Variants in NPSR1 observed in about 807,000 individuals in gnomAD.
NPSR1 encodes the protein neuropeptide S receptor 1.
NPSR1 carries 48 observed loss-of-function variants against 46.9 expected under a neutral mutation model. The observed-to-expected ratio is 1.02, with a 90% CI of 0.81 to 1.30. NPSR1 has a LOEUF of 1.30. NPSR1 is among the 50% of genes most tolerant of loss of function. The probability of loss-of-function intolerance (pLI) is 0.00; values close to 1 mark genes in which losing one functional copy is unlikely to be tolerated. For synonymous variants in NPSR1, 176 were observed against 168.1 expected (o/e 1.05, Z -0.36); for missense variants, 450 against 449.5 (o/e 1.00, Z -0.01).
chr7:34,870,086 T>C (rs1417276363), intron 8 of NPSR1, among the ~76,000 whole-genome samples: 2 of 151,874 alleles, frequency 1.3e-5, no homozygotes, highest in African/African-American at 4.9e-5. Context: ...ATCTGCCTGA[T>C]GAATACCTAC....
At chr7:34,659,487 C>T (rs1307936576) in intron 1 of NPSR1, among the ~76,000 whole-genome samples, 1 of 152,152 alleles carries the variant, frequency 6.6e-6, no homozygotes, top group Admixed American at 6.5e-5. Flanking sequence ...TTGGTTTTTA[C>T]ACAATGAGAT....
chr7:34,738,852 C>G (rs1439981502), intron 2 of NPSR1, among the ~76,000 whole-genome samples: 1 of 152,108 alleles, frequency 6.6e-6, no homozygotes, highest in Non-Finnish European at 1.5e-5. Context: ...AGCTCCAAAA[C>G]CCAAAAGGAA....
chr7:34,693,306 G>T (rs1480082643), intron 2 of NPSR1, among the ~76,000 whole-genome samples: 6 of 145,634 alleles, frequency 4.1e-5, no homozygotes, highest in Non-Finnish European at 4.5e-5. Flanking sequence ...GACTAATGCA[G>T]TGAAATTACA....
At chr7:34,786,994 C>T (rs1787494591) in intron 3 of NPSR1, among the ~76,000 whole-genome samples, 1 of 152,076 alleles carries the variant, frequency 6.6e-6, no homozygotes, top group Non-Finnish European at 1.5e-5. Flanking sequence ...TCACCACCTG[C>T]ATTAGCTGTT....
intron 8 of NPSR1, among the ~76,000 whole-genome samples, chr7:34,856,484 C>T (rs1400605814): frequency 6.6e-6 from 1 of 151,608 alleles, no homozygotes; most frequent in East Asian, 1.9e-4. Flanking sequence ...CCTATGCACA[C>T]GGGGAAAATC....
chr7:34,693,414 A>G (rs1013089537), intron 2 of NPSR1, among the ~76,000 whole-genome samples: 1 of 152,226 alleles, frequency 6.6e-6, no homozygotes, highest in African/African-American at 2.4e-5. Context: ...TAAATCCCAG[A>G]AACATACAAC....
Position 34,701,328 on chromosome 7 carries a change from C to A in NPSR1, c.280+16644C>A, listed in dbSNP as rs192361339. 1.9e-4 allele frequency among the ~76,000 whole-genome samples: 29 copies of A among 152,298 alleles called. No individual in the cohort carries two copies. The East Asian group carries it at 4.8e-3, about 25-fold the overall frequency. ...GCAAAGATACACTTTTATCACAAAA[C>A]AGGAAACTGGAAGTCAACACCACCT... On this transcript the variant is annotated intron_variant, in intron 2 of 8. Transcript: ENST00000360581.
intron 3 of NPSR1, among the ~76,000 whole-genome samples, chr7:34,806,331 T>C (rs1200131161): frequency 6.6e-6 from 1 of 152,030 alleles, no homozygotes; most frequent in Non-Finnish European, 1.5e-5. Context: ...TATTATTCAA[T>C]GATATAACAA....
At chr7:34,680,666 G>A (rs1441933696) in intron 1 of NPSR1, among the ~76,000 whole-genome samples, 2 of 152,066 alleles carry the variant, frequency 1.3e-5, no homozygotes, top group African/African-American at 2.4e-5. Flanking sequence ...TCACACCATG[G>A]AGTACTATAT....
At chr7:34,760,138 A>G (rs1786092676) in intron 2 of NPSR1, among the ~76,000 whole-genome samples, 3 of 152,186 alleles carry the variant, frequency 2.0e-5, no homozygotes, top group Admixed American at 6.5e-5. Flanking sequence ...TTCATTTTAG[A>G]TCTAGTTTAA....
At chr7:34,845,853 G>A (rs1190718176) in intron 7 of NPSR1, among the ~76,000 whole-genome samples, 1 of 152,154 alleles carries the variant, frequency 6.6e-6, no homozygotes, top group African/African-American at 2.4e-5. Context: ...AAGAAGGAAA[G>A]GGATTTGTGC....
rs57091334 is a variant in NPSR1, at chr7:34,690,821, A to G, written c.280+6137A>G. On this transcript the variant is annotated intron_variant, in intron 2 of 8. Coordinates refer to ENST00000360581, the MANE Select transcript of NPSR1 (RefSeq NM_207172.2). ...AACCTATTTGAGGAAATAATTCAGAAAAGCTTCTTTGGTTTTGGGAGAGAT... is the reference window on the plus strand; with the variant it reads ...AACCTATTTGAGGAAATAATTCAGAGAAGCTTCTTTGGTTTTGGGAGAGAT... 9.8e-3 allele frequency among the ~76,000 whole-genome samples: 1,492 copies of G among 152,270 alleles called. 22 individuals are homozygous for G. Among genetic ancestry groups the G allele is most frequent in the African/African-American group, 0.034 (1,405 of 41,568 alleles).
intron 2 of NPSR1, among the ~76,000 whole-genome samples, chr7:34,720,853 G>A (rs17777040): frequency 4.0e-5 from 6 of 151,766 alleles, no homozygotes; most frequent in South Asian, 2.1e-4. Flanking sequence ...TCATCAAGTC[G>A]GAAAAGAAAT....
chr7:34,774,540 T>A lies in NPSR1; in HGVS notation c.281-3922T>A, dbSNP rs114607592. On this transcript the variant is annotated intron_variant, in intron 2 of 8. Transcript: ENST00000360581. ...TGGTGCCCCATTATCAGCTGTTCCA[T>A]CTTGACCAAGGCTCAGCAACATTCT... 2.8e-3 allele frequency among the ~76,000 whole-genome samples: 421 copies of A among 152,316 alleles called. 1 individual carries two copies. Among genetic ancestry groups the A allele is most frequent in the African/African-American group, 9.8e-3 (408 of 41,572 alleles).
chr7:34,718,531 T>C (rs1452794615), intron 2 of NPSR1, among the ~76,000 whole-genome samples: 1 of 152,234 alleles, frequency 6.6e-6, no homozygotes. Flanking sequence ...TGTTCTGATA[T>C]GATCCATTCC....
At chr7:34,694,978 GATTA>G (rs1793445071) in intron 2 of NPSR1, among the ~76,000 whole-genome samples, 10 of 152,222 alleles carry the variant, frequency 6.6e-5, no homozygotes, top group Middle Eastern at 3.4e-3. Context: ...AAAGTGCTGG[GATTA>G]CAGGTGTGAA....
intron 2 of NPSR1, among the ~76,000 whole-genome samples, chr7:34,692,490 A>G (rs1793314819): frequency 6.6e-6 from 1 of 152,182 alleles, no homozygotes; most frequent in African/African-American, 2.4e-5. Flanking sequence ...AATAAAAAAC[A>G]TTTCAAAATG....
At chr7:34,676,505 T>G (rs534082443) in intron 1 of NPSR1, among the ~76,000 whole-genome samples, 1 of 152,260 alleles carries the variant, frequency 6.6e-6, no homozygotes, top group East Asian at 1.9e-4. Context: ...TATCCTGGGA[T>G]TTGTGTGTGT....
chr7:34,811,328 C>G (rs34877771), intron 3 of NPSR1, among the ~76,000 whole-genome samples: 53 of 152,180 alleles, frequency 3.5e-4, no homozygotes, highest in African/African-American at 1.2e-3. Context: ...GGCCATTCTC[C>G]TGTCTGATTG....
Sources: gnomAD v4.1 joint callset for allele counts (sites outside exome capture counted in the v4.1 genomes callset) on GRCh38, gnomAD v4.1.1 for gene constraint, MANE v1.5 for transcripts, NCBI Gene and HGNC (gene_info 2026-07-23, HGNC 2026-07-21) for gene names.